The following ZDHHC13 variants were observed in gnomAD, a reference collection of about 807,000 sequenced individuals.
The protein encoded by ZDHHC13 is zDHHC palmitoyltransferase 13.
In ZDHHC13, 85 loss-of-function variants were observed where a neutral mutation model predicts 86.0. The ratio of observed to expected loss-of-function variants is 0.99; its 90% CI spans 0.83 to 1.18. The LOEUF (loss-of-function observed/expected upper bound fraction) is 1.18. Among genes scored for constraint, ZDHHC13 ranks in the 50% most tolerant of loss-of-function variants. The pLI is 0.00. For synonymous variants in ZDHHC13, 263 were observed against 246.4 expected (o/e 1.07, Z -0.63); for missense variants, 711 against 730.2 (o/e 0.97, Z 0.30).
intron 1 of ZDHHC13, among the ~76,000 whole-genome samples, chr11:19,120,909 C>T (rs1848747622): frequency 6.6e-6 from 1 of 152,170 alleles, no homozygotes; most frequent in Admixed American, 6.5e-5. Context: ...GAAGGCTTTT[C>T]AGTGAATTAC....
intron 10 of ZDHHC13, among the ~76,000 whole-genome samples, chr11:19,159,464 A>C (rs1340115014): frequency 6.6e-6 from 1 of 152,154 alleles, no homozygotes; most frequent in Non-Finnish European, 1.5e-5. Context: ...GGTAAGTGTT[A>C]GTGATATTAT....
At chr11:19,170,779 A>G (rs1365153818) in intron 15 of ZDHHC13, among the ~76,000 whole-genome samples, 1 of 152,190 alleles carries the variant, frequency 6.6e-6, no homozygotes, top group East Asian at 1.9e-4. Context: ...ATTAAACCAC[A>G]AGATGGTTTA....
rs752391101 is a variant in ZDHHC13, at chr11:19,175,915, C to G, written c.1824C>G (p.Thr608=). 11 of 1,612,738 alleles carry G rather than the reference C, an allele frequency of 6.8e-6. No homozygotes were observed. The highest frequency in any genetic ancestry group is 8.5e-6 in the Non-Finnish European group (10 of 1,179,464). The change falls in exon 17 of 17, where the codon ACC becomes ACG. Residue 608 remains threonine, a synonymous_variant. Transcript: ENST00000446113. ...TGGTAGATTGGACATCACAGTACAC[C>G]ATGGTCTTTCACCCAGCCAGGGAGA... ...PCVVDWTSQY[T]MVFHPAREKV... is the part of the protein sequence containing the mutation.
At chr11:19,141,517 A>G (rs1213178056) in intron 1 of ZDHHC13, among the ~76,000 whole-genome samples, 2 of 152,126 alleles carry the variant, frequency 1.3e-5, no homozygotes, top group Non-Finnish European at 2.9e-5. Context: ...ATATTTTAGC[A>G]AAGTTGTCAA....
chr11:19,120,539 C>G (rs1848740370), intron 1 of ZDHHC13, among the ~76,000 whole-genome samples: 1 of 152,158 alleles, frequency 6.6e-6, no homozygotes, highest in African/African-American at 2.4e-5. Flanking sequence ...GAGGTAGTCA[C>G]AAAGCTCAGA....
At chr11:19,145,145 C>T (rs567866434) in intron 2 of ZDHHC13, among the ~76,000 whole-genome samples, 1 of 152,212 alleles carries the variant, frequency 6.6e-6, no homozygotes, top group South Asian at 2.1e-4. Context: ...TGATTTGCCT[C>T]TTTATTCTCT....
At chr11:19,139,120 A>C (rs1428128656) in intron 1 of ZDHHC13, among the ~76,000 whole-genome samples, 1 of 152,104 alleles carries the variant, frequency 6.6e-6, no homozygotes, top group Non-Finnish European at 1.5e-5. Flanking sequence ...AAGGAAGTCA[A>C]ATTGTCCCTG....
rs145871724 is a variant in ZDHHC13 at position 19,145,087 on chromosome 11, C to T, written c.174-1094C>T. ...TTGCGCCACTGCACTCCAGCCTGGG[C>T]GACAAAGCAAGACTCCATCTCAAAA... is the stretch of plus-strand genomic sequence containing the variant. On this transcript the variant is annotated intron_variant, in intron 2 of 16. Coordinates refer to ENST00000446113, the MANE Select transcript of ZDHHC13 (RefSeq NM_019028.3). Among the ~76,000 whole-genome samples the T allele has an allele frequency of 7.1e-3, 1,068 of 150,782 alleles. 9 individuals carry two copies. The highest frequency in any genetic ancestry group is 0.024 in the African/African-American group (984 of 41,000).
chr11:19,167,334 A>G (rs1176508860), intron 14 of ZDHHC13: 2 of 152,204 alleles, frequency 1.3e-5, no homozygotes, highest in African/African-American at 4.8e-5. Context: ...TTTTCCCCTT[A>G]GCATCATAAG....
At chr11:19,130,702 A>G (rs1230447272) in intron 1 of ZDHHC13, among the ~76,000 whole-genome samples, 1 of 152,164 alleles carries the variant, frequency 6.6e-6, no homozygotes, top group Non-Finnish European at 1.5e-5. Flanking sequence ...AATTCCCTGT[A>G]AACACTGCTT....
At chr11:19,164,935 G>A in intron 12 of ZDHHC13, 117 bp from the exon 13 acceptor site, 1 of 738,312 alleles carries the variant, frequency 1.4e-6, no homozygotes, top group Non-Finnish European at 2.3e-6. Flanking sequence ...GTGAATTGAT[G>A]GTCTGTTTAG....
At chr11:19,160,024 T>G (rs1193130323) in intron 10 of ZDHHC13, among the ~76,000 whole-genome samples, 2 of 151,982 alleles carry the variant, frequency 1.3e-5, no homozygotes, top group African/African-American at 4.8e-5. Flanking sequence ...CTCTTTCTGG[T>G]AATAGCATTT....
Position 19,136,124 on chromosome 11 carries a change from T to C in ZDHHC13, c.28-6854T>C, listed in dbSNP as rs1400961058. On this transcript the variant is annotated intron_variant, in intron 1 of 16. Transcript: ENST00000446113. ...AAGGCTTCAGACGATCAAATTACTC[T>C]GAGCTACGGGAGGAAATTCAAACCA... Among the ~76,000 whole-genome samples the C allele has an allele frequency of 6.4e-3, 965 of 151,504 alleles. 7 individuals carry two copies. Among genetic ancestry groups the C allele is most frequent in the African/African-American group, 0.022 (914 of 41,110 alleles).
intron 5 of ZDHHC13, among the ~76,000 whole-genome samples, chr11:19,150,275 T>C (rs913178863): frequency 1.3e-5 from 2 of 152,164 alleles, no homozygotes; most frequent in Non-Finnish European, 2.9e-5. Flanking sequence ...TAAAACTTAA[T>C]ATGATAAGTC....
At chr11:19,140,063 A>G (rs28873521) in intron 1 of ZDHHC13, among the ~76,000 whole-genome samples, 1 of 149,930 alleles carries the variant, frequency 6.7e-6, no homozygotes, top group East Asian at 1.9e-4. Flanking sequence ...AAATTGACAA[A>G]TGGGATCTAA....
chr11:19,158,918 A>G, intron 9 of ZDHHC13, 22 bp from the exon 10 acceptor site: 1 of 1,438,458 alleles, frequency 7.0e-7, no homozygotes. Context: ...CTAATAACTT[A>G]TATTTATCTT....
intron 1 of ZDHHC13, among the ~76,000 whole-genome samples, chr11:19,138,988 C>A (rs1014128369): frequency 1.2e-4 from 18 of 151,926 alleles, no homozygotes; most frequent in Non-Finnish European, 4.4e-5. Flanking sequence ...GAAGCATTCC[C>A]TTTGAAAACT....
chr11:19,155,753 A>T, intron 8 of ZDHHC13, 43 bp from the exon 9 acceptor site: 1 of 1,594,754 alleles, frequency 6.3e-7, no homozygotes, highest in East Asian at 2.2e-5. Context: ...GATACTTAAG[A>T]GGTAAAATCC....
rs1214298605 is a variant in ZDHHC13, at chr11:19,170,507, T to C, written c.1571T>C (p.Leu524Ser). The C allele has an allele frequency of 6.5e-7, 1 of 1,535,478 alleles. No homozygotes were observed. Residue 524 changes from leucine to serine, a missense_variant, in exon 15 of 17, where the codon TTG becomes TCG. Leu to Ser is a moderately radical substitution (Grantham distance 145). Coordinates refer to ENST00000446113, the MANE Select transcript of ZDHHC13 (RefSeq NM_019028.3). ...TGTTCCCCTTGGGTTTTATATATCT[T>C]GATGCTAGCAACTTTCCATTTCTCA... The part of the protein sequence containing the change: ...VACSPWVLYI[L>S]MLATFHFSWS...
Sources: allele counts gnomAD v4.1 joint callset (sites outside exome capture counted in the v4.1 genomes callset), GRCh38; gene constraint gnomAD v4.1.1; transcripts MANE v1.5; gene names NCBI Gene and HGNC (gene_info 2026-07-23, HGNC 2026-07-21).